PDE9A: variants seen among roughly 807,000 people sequenced by gnomAD.
PDE9A encodes phosphodiesterase 9A, also known as high affinity cGMP-specific 3',5'-cyclic phosphodiesterase 9A.
Under a neutral mutation model 87.4 loss-of-function variants are expected in PDE9A, and 60 were observed. The ratio of observed to expected loss-of-function variants is 0.69; its 90% CI spans 0.56 to 0.85. The LOEUF is 0.85. Among genes scored for constraint, PDE9A ranks in the 40% least tolerant of loss-of-function variants. The probability of loss-of-function intolerance (pLI) is 0.00; values close to 1 mark genes in which losing one functional copy is unlikely to be tolerated. For missense variants in PDE9A, 665 were observed against 779.0 expected (o/e 0.85, Z 1.74); for synonymous variants, 272 against 279.4 (o/e 0.97, Z 0.27).
At chr21:42,729,518 C>CTCCT (rs1267824856) in intron 4 of PDE9A, among the ~76,000 whole-genome samples, 1 of 151,842 alleles carries the variant, frequency 6.6e-6, no homozygotes, top group Non-Finnish European at 1.5e-5. Flanking sequence ...TGTGATTTCC[C>CTCCT]TCCTTCCTTC....
In PDE9A at chr21:42,726,834, A is replaced by G. The variant is rs180918844; in HGVS notation, c.263-4936A>G. On this transcript the variant is annotated intron_variant, in intron 4 of 19. Transcript: ENST00000291539. ...CTTTTCTCTGTTGAATTGCTTTTAC[A>G]TCTGGGTCAAAAATCAGTTGGGCGT... 5.2e-3 allele frequency among the ~76,000 whole-genome samples: 787 copies of G among 150,420 alleles called. 3 individuals are homozygous for G. The highest frequency in any genetic ancestry group is 9.7e-3 in the Non-Finnish European group (660 of 67,736).
At chr21:42,688,194 T>C (rs1025920666) in intron 3 of PDE9A, among the ~76,000 whole-genome samples, 200 bp downstream of exon 3, 3 of 152,084 alleles carry the variant, frequency 2.0e-5, no homozygotes, top group African/African-American at 4.8e-5. Flanking sequence ...CGTTCCAAGA[T>C]AACAATTGCA....
chr21:42,746,865 C>T (rs1282833139), intron 8 of PDE9A, among the ~76,000 whole-genome samples: 2 of 152,186 alleles, frequency 1.3e-5, no homozygotes, highest in Admixed American at 6.5e-5. Flanking sequence ...GAACCCACAG[C>T]GCCATAAACC....
At position 42,722,129 on chromosome 21, in the gene PDE9A, C is replaced by T. The variant is rs1419470571; in HGVS notation, c.263-9641C>T. Among the ~76,000 whole-genome samples the T allele has an allele frequency of 1.3e-5, 2 of 152,086 alleles. No homozygotes were observed. Among genetic ancestry groups the T allele is most frequent in the Non-Finnish European group, 2.9e-5 (2 of 68,026 alleles). ...TAGCTGGGATTACAGGCACGTACCACCATGCCCAGCTAATTTTTTTGTATT... is the reference window on the plus strand; with the variant it reads ...TAGCTGGGATTACAGGCACGTACCATCATGCCCAGCTAATTTTTTTGTATT... On this transcript the variant is annotated intron_variant, in intron 4 of 19. Transcript: ENST00000291539. This position sits in a 1 kb window ranked among gnomAD's most constrained non-coding sequence, Gnocchi z 4.1.
In PDE9A at chr21:42,653,887, G is replaced by GC. The variant is rs2056830451; in HGVS notation, c.69+8dup. On this transcript the variant is annotated splice_donor_region_variant and intron_variant, in intron 1 of 19. Coordinates refer to ENST00000291539, the MANE Select transcript of PDE9A (RefSeq NM_002606.3). ...CATCGATGGACGCATTCAGAAGGTA[G>GC]CCCCTCCCCCACCCAGACACCCCCT... 7.8e-6 allele frequency: 12 copies of GC among 1,532,190 alleles called. No homozygotes were observed. Among genetic ancestry groups the GC allele is most frequent in the Non-Finnish European group, 9.7e-6 (11 of 1,131,596 alleles). The allele number at this position is 1,532,190 out of a possible 1,614,324, so 94.9% of individuals were successfully genotyped here.
rs934450585 is a variant in PDE9A at position 42,770,895 on chromosome 21, C to T, written c.1686+97C>T. ...AGAAGCTTGGACGTGCCAAGCAGGG[C>T]ACCACTGAAGGCCCCGTGGACAGGC... is the stretch of plus-strand genomic sequence containing the variant. On this transcript the variant is annotated intron_variant, in intron 18 of 19. Transcript: ENST00000291539. The T allele has an allele frequency of 8.9e-6, 8 of 897,038 alleles. No individual in the cohort carries two copies. In the Admixed American group the frequency reaches 1.1e-4, roughly 13 times the overall value. 55.6% of individuals were successfully genotyped at this position (897,038 alleles called of 1,614,324 possible). A position where few individuals can be genotyped will look rare whatever the true frequency, so the allele number is the denominator to read the frequency against.
rs921932419 is a variant in PDE9A at position 42,732,034 on chromosome 21, T to C, written c.443-36T>C. Reference sequence around the variant, plus strand: ...ATGGCCTACACATCTTTTCCTCTTGTCCGTGTTCCATCTGTCTTTCTTCTT... The same window carrying C: ...ATGGCCTACACATCTTTTCCTCTTGCCCGTGTTCCATCTGTCTTTCTTCTT... On this transcript the variant is annotated intron_variant, in intron 5 of 19. Coordinates refer to ENST00000291539, the MANE Select transcript of PDE9A (RefSeq NM_002606.3). The C allele has an allele frequency of 2.5e-6, 4 of 1,613,490 alleles. No homozygotes were observed. In the South Asian group the frequency reaches 4.4e-5, roughly 18 times the overall value.
At chr21:42,664,423 C>T (rs2057819708) in intron 1 of PDE9A, among the ~76,000 whole-genome samples, 1 of 152,206 alleles carries the variant, frequency 6.6e-6, no homozygotes, top group Non-Finnish European at 1.5e-5. Flanking sequence ...GAGACAGTTG[C>T]AGCAGATGAG....
chr21:42,728,129 A>G (rs576803243), intron 4 of PDE9A, among the ~76,000 whole-genome samples: 4 of 152,262 alleles, frequency 2.6e-5, no homozygotes, highest in Non-Finnish European at 5.9e-5. Context: ...AACTCTTTAC[A>G]TAACATTTAC....
intron 1 of PDE9A, among the ~76,000 whole-genome samples, chr21:42,664,468 G>A (rs1433109611): frequency 2.6e-5 from 4 of 152,182 alleles, no homozygotes; most frequent in East Asian, 1.9e-4. Context: ...CCTGCTTTCC[G>A]GGCTGGCCTC....
intron 4 of PDE9A, among the ~76,000 whole-genome samples, chr21:42,728,935 G>A (rs1224128302): frequency 6.6e-6 from 1 of 151,394 alleles, no homozygotes; most frequent in Non-Finnish European, 1.5e-5. Flanking sequence ...AGGAGGCGGA[G>A]GCTGCAGAGA....
chr21:42,670,135 A>C (rs1160932055), intron 1 of PDE9A, among the ~76,000 whole-genome samples: 1 of 150,818 alleles, frequency 6.6e-6, no homozygotes, highest in African/African-American at 2.5e-5. Flanking sequence ...AGGCTCACAC[A>C]TGCTTACACA....
chr21:42,690,431 C>T (rs1371070744), intron 3 of PDE9A, among the ~76,000 whole-genome samples: 2 of 151,952 alleles, frequency 1.3e-5, no homozygotes, highest in African/African-American at 4.8e-5. Context: ...TGGCTCTGGA[C>T]GTAGAAAGAG....
Position 42,723,825 on chromosome 21 carries a change from C to T in PDE9A, c.263-7945C>T, listed in dbSNP as rs2050765454. ...AGGGACCCTAAAGACCCTGTCATGT[C>T]CCCCTGTGAATTACCAGCATCCCAG... On this transcript the variant is annotated intron_variant, in intron 4 of 19. Transcript: ENST00000291539. The surrounding 1 kb of genome is among the most constrained non-coding windows in gnomAD (Gnocchi z 4.3). Among the ~76,000 whole-genome samples the T allele has an allele frequency of 2.6e-5, 4 of 152,192 alleles. No individual in the cohort carries two copies. In the South Asian group the frequency reaches 8.3e-4, roughly 31 times the overall value.
intron 4 of PDE9A, among the ~76,000 whole-genome samples, chr21:42,725,639 C>A (rs1204075736): frequency 6.6e-6 from 1 of 152,156 alleles, no homozygotes. Context: ...CCAGCACAAC[C>A]CCCTGGCATC....
At chr21:42,773,916 A>G (rs970261266) in intron 19 of PDE9A, among the ~76,000 whole-genome samples, 4 of 151,408 alleles carry the variant, frequency 2.6e-5, no homozygotes, top group East Asian at 2.0e-4. Flanking sequence ...CATCCTGGCT[A>G]ACACGGTGAA....
Position 42,694,992 on chromosome 21 carries a change from G to T in PDE9A, c.219-3976G>T, listed in dbSNP as rs1029541078. Among the ~76,000 whole-genome samples, 1 of 152,060 alleles carries T rather than the reference G, an allele frequency of 6.6e-6. No homozygotes were observed. Among genetic ancestry groups the T allele is most frequent in the African/African-American group, 2.4e-5 (1 of 41,400 alleles). On this transcript the variant is annotated intron_variant, in intron 3 of 19. Transcript: ENST00000291539. The surrounding 1 kb of genome is among the most constrained non-coding windows in gnomAD (Gnocchi z 5.3). ...GCACACTGCCAATCTTCCTGTCCCCGCCCCAAATCCAAAGGCCCCTCCTAT... is the reference window on the plus strand; with the variant it reads ...GCACACTGCCAATCTTCCTGTCCCCTCCCCAAATCCAAAGGCCCCTCCTAT...
At chr21:42,752,202 T>A (rs1170829879) in intron 9 of PDE9A, among the ~76,000 whole-genome samples, 1 of 152,158 alleles carries the variant, frequency 6.6e-6, no homozygotes, top group Non-Finnish European at 1.5e-5. Flanking sequence ...TGTCCATTAG[T>A]CCGTGATTCT....
chr21:42,696,254 G>A lies in PDE9A; in HGVS notation c.219-2714G>A, dbSNP rs1303990862. ...GTCTCTTGCGTGGGAGAAGTTGCTG[G>A]ACACGCCTCTCTGGCTCTGTCCCCG... On this transcript the variant is annotated intron_variant, in intron 3 of 19. Transcript: ENST00000291539. This position sits in a 1 kb window ranked among gnomAD's most constrained non-coding sequence, Gnocchi z 5.1. Among the ~76,000 whole-genome samples the A allele has an allele frequency of 6.6e-6, 1 of 152,118 alleles. No homozygotes were observed. The highest frequency in any genetic ancestry group is 2.4e-5 in the African/African-American group (1 of 41,410).
Sources: gnomAD v4.1 joint callset for allele counts (sites outside exome capture counted in the v4.1 genomes callset) on GRCh38, gnomAD v4.1.1 for gene constraint, Gnocchi (gnomAD v3.1) non-coding constraint, MANE v1.5 for transcripts, NCBI Gene and HGNC (gene_info 2026-07-23, HGNC 2026-07-21) for gene names.